Variants in RORA observed in about 807,000 individuals in gnomAD.
RORA encodes RAR related orphan receptor A.
RORA carries 7 observed loss-of-function variants against 69.5 expected under a neutral mutation model. That is an observed-to-expected ratio of 0.10 (90% CI 0.06 to 0.19). The LOEUF is 0.19. Among genes scored for constraint, RORA ranks in the 10% least tolerant of loss-of-function variants. The pLI is 1.00. For synonymous variants in RORA, 261 were observed against 240.8 expected, an observed-to-expected ratio of 1.08 and a Z score of -0.78; for missense variants, 457 against 663.0, an observed-to-expected ratio of 0.69 and a Z score of 3.41.
At chr15:61,121,264 G>A (rs951335163) in intron 1 of RORA, among the ~76,000 whole-genome samples, 3 of 152,282 alleles carry the variant, frequency 2.0e-5, no homozygotes, top group East Asian at 3.9e-4. Context: ...CTTGCTCAAC[G>A]GCACAGAGCT....
chr15:60,868,170 G>A (rs2073510642), intron 1 of RORA, among the ~76,000 whole-genome samples: 1 of 152,188 alleles, frequency 6.6e-6, no homozygotes, highest in Non-Finnish European at 1.5e-5. Flanking sequence ...TTTATAGGGA[G>A]ACACATTACA....
At chr15:60,749,943 T>C (rs1457219126) in intron 1 of RORA, among the ~76,000 whole-genome samples, 1 of 152,138 alleles carries the variant, frequency 6.6e-6, no homozygotes, top group East Asian at 1.9e-4. Flanking sequence ...GGTGGAAGAA[T>C]TGCTTGAGTC....
chr15:60,721,164 G>C (rs2071288559), intron 1 of RORA, among the ~76,000 whole-genome samples: 1 of 152,208 alleles, frequency 6.6e-6, no homozygotes, highest in South Asian at 2.1e-4. Flanking sequence ...GAGAGAAACA[G>C]AGGCCGTGGG....
At chr15:60,652,459 G>A (rs1014261042) in intron 2 of RORA, among the ~76,000 whole-genome samples, 2 of 152,108 alleles carry the variant, frequency 1.3e-5, no homozygotes, top group African/African-American at 4.8e-5. Flanking sequence ...CAGGTTTTGC[G>A]CATAAGCCGG....
At chr15:61,016,837 T>TA (rs941846431) in intron 1 of RORA, among the ~76,000 whole-genome samples, 40 of 152,180 alleles carry the variant, frequency 2.6e-4, no homozygotes, top group African/African-American at 9.7e-4. Flanking sequence ...GTCCCCCTGG[T>TA]AAAAGCTTAC....
chr15:60,770,688 T>C (rs2072060318), intron 1 of RORA, among the ~76,000 whole-genome samples: 1 of 152,150 alleles, frequency 6.6e-6, no homozygotes, highest in Admixed American at 6.5e-5. Context: ...ACAGGCCCAA[T>C]CATAGTGCAC....
chr15:61,160,322 C>A (rs767783952), intron 1 of RORA, among the ~76,000 whole-genome samples: 1 of 152,106 alleles, frequency 6.6e-6, no homozygotes, highest in Non-Finnish European at 1.5e-5. Flanking sequence ...CAGTAGTATA[C>A]GTAAAGTAAC....
intron 1 of RORA, among the ~76,000 whole-genome samples, chr15:61,035,981 GT>G (rs1325234266): frequency 6.6e-6 from 1 of 152,204 alleles, no homozygotes; most frequent in Non-Finnish European, 1.5e-5. Flanking sequence ...AGATGCTGCA[GT>G]CAGTGGAATG....
chr15:61,067,766 A>G (rs1054675114), intron 1 of RORA, among the ~76,000 whole-genome samples: 5 of 152,198 alleles, frequency 3.3e-5, no homozygotes, highest in East Asian at 1.9e-4. Flanking sequence ...AACAAGTCCA[A>G]GTTTATGCAG....
At chr15:60,705,725 T>G (rs894587516) in intron 1 of RORA, among the ~76,000 whole-genome samples, 3 of 152,166 alleles carry the variant, frequency 2.0e-5, no homozygotes, top group Non-Finnish European at 4.4e-5. Flanking sequence ...ATTATTAAAA[T>G]TTTTTAAAAT....
chr15:61,186,087 T>G (rs755627593), intron 1 of RORA, among the ~76,000 whole-genome samples: 1 of 152,232 alleles, frequency 6.6e-6, no homozygotes, highest in East Asian at 1.9e-4. Flanking sequence ...TAACCACTTA[T>G]GATTTGTCTG....
chr15:61,206,759 T>C (rs1001582644), intron 1 of RORA, among the ~76,000 whole-genome samples: 1 of 152,120 alleles, frequency 6.6e-6, no homozygotes, highest in Non-Finnish European at 1.5e-5. Flanking sequence ...TCAGCAGCCC[T>C]CTCTGCCCAG....
intron 2 of RORA, among the ~76,000 whole-genome samples, chr15:60,587,664 A>C (rs890873598): frequency 2.6e-5 from 4 of 152,218 alleles, no homozygotes; most frequent in African/African-American, 9.6e-5. Context: ...TTGTTTATGA[A>C]ATGCCTAGTA....
intron 1 of RORA, among the ~76,000 whole-genome samples, chr15:60,912,270 A>C (rs1225997398): frequency 6.6e-6 from 1 of 152,010 alleles, no homozygotes; most frequent in East Asian, 1.9e-4. Flanking sequence ...AAAGAGAAAA[A>C]AATAGCCAGA....
At chr15:60,838,016 C>T (rs2073141838) in intron 1 of RORA, among the ~76,000 whole-genome samples, 1 of 152,126 alleles carries the variant, frequency 6.6e-6, no homozygotes, top group Non-Finnish European at 1.5e-5. Context: ...CGGCTCTATC[C>T]CATGAAGAGG....
chr15:60,500,463 G>A (rs2065296300), intron 9 of RORA, among the ~76,000 whole-genome samples: 1 of 152,184 alleles, frequency 6.6e-6, no homozygotes, highest in Non-Finnish European at 1.5e-5. Flanking sequence ...TTAGGATAAA[G>A]TCTTTATGTC....
intron 1 of RORA, among the ~76,000 whole-genome samples, chr15:60,876,025 G>A (rs369683335): frequency 3.9e-5 from 6 of 152,196 alleles, no homozygotes; most frequent in East Asian, 3.9e-4. Flanking sequence ...GTTGTTCAGC[G>A]TATTTAATGT....
chr15:61,196,108 A>C (rs1371499784), intron 1 of RORA, among the ~76,000 whole-genome samples: 3 of 152,218 alleles, frequency 2.0e-5, no homozygotes, highest in African/African-American at 4.8e-5. Context: ...GCACCAACCT[A>C]ATAGTAAACC....
At chr15:60,639,516 G>T (rs889417459) in intron 2 of RORA, among the ~76,000 whole-genome samples, 1 of 152,142 alleles carries the variant, frequency 6.6e-6, no homozygotes, top group Non-Finnish European at 1.5e-5. Flanking sequence ...GTGAGATGGG[G>T]AAAATTTCCT....
Sources: gnomAD v4.1 joint callset for allele counts (sites outside exome capture counted in the v4.1 genomes callset) on GRCh38, gnomAD v4.1.1 for gene constraint, MANE v1.5 for transcripts, NCBI Gene and HGNC (gene_info 2026-07-23, HGNC 2026-07-21) for gene names.